DNAH17: variants seen among roughly 807,000 people sequenced by gnomAD.
The protein encoded by DNAH17 is dynein axonemal heavy chain 17, also known as axonemal beta dynein heavy chain 17.
A neutral mutation model predicts 485.6 loss-of-function variants in DNAH17; 376 were observed. The observed-to-expected ratio is 0.77, with a 90% CI of 0.71 to 0.84. The LOEUF is 0.84. Among genes scored for constraint, DNAH17 ranks in the 40% least tolerant of loss-of-function variants. The pLI is 0.00. For missense variants in DNAH17, 6,370 were observed against 5,839.3 expected (o/e 1.09, Z -2.96); for synonymous variants, 3,031 against 2,405.9 (o/e 1.26, Z -7.60).
chr17:78,572,905 A>G lies in DNAH17; in HGVS notation c.346-11T>C, dbSNP rs1568276855. On this transcript the variant is annotated splice_polypyrimidine_tract_variant and intron_variant, in intron 2 of 80. Coordinates refer to ENST00000389840, the MANE Select transcript of DNAH17 (RefSeq NM_173628.4). ...CAGAGAAGAGAGGACCTAAAAGGAA[A>G]CACTTCTGTGGTTCCGCCCCCTGTG... 2.5e-6 allele frequency: 4 copies of G among 1,611,368 alleles called. No individual in the cohort carries two copies. Among genetic ancestry groups the G allele is most frequent in the Non-Finnish European group, 3.4e-6 (4 of 1,178,550 alleles).
intron 1 of DNAH17, 27 bp from the exon 2 acceptor site, chr17:78,575,109 G>T: frequency 3.4e-6 from 5 of 1,452,688 alleles, no homozygotes; most frequent in South Asian, 2.7e-5. Flanking sequence ...AAACAGGTAC[G>T]AACTGTCTCC....
chr17:78,551,830 G>A (rs969887685), intron 15 of DNAH17, among the ~76,000 whole-genome samples, 192 bp from the exon 16 acceptor site: 3 of 152,106 alleles, frequency 2.0e-5, no homozygotes, highest in African/African-American at 7.2e-5. Context: ...GGGCATAGCA[G>A]TGGGCACCTG....
intron 48 of DNAH17, 72 bp from the exon 49 acceptor site, chr17:78,480,858 C>T: frequency 2.0e-6 from 2 of 983,034 alleles, no homozygotes; most frequent in Non-Finnish European, 3.2e-6. Flanking sequence ...CACTGTGCTC[C>T]CAAGAATGCC....
intron 80 of DNAH17, 49 bp downstream of exon 80, chr17:78,425,297 G>GTAGCAC (rs1448047610): frequency 3.8e-5 from 60 of 1,564,150 alleles, no homozygotes; most frequent in Non-Finnish European, 5.1e-5. Context: ...GTCTTGGCAA[G>GTAGCAC]TAGCACTGGC....
intron 16 of DNAH17, among the ~76,000 whole-genome samples, chr17:78,549,978 A>G (rs2091862258): frequency 6.6e-6 from 1 of 152,182 alleles, no homozygotes; most frequent in Admixed American, 6.5e-5. Context: ...TGCAGGTAAC[A>G]GAAAGGACAG....
At chr17:78,454,449 A>C (rs2087698490) in intron 64 of DNAH17, 21 bp downstream of exon 64, 1 of 1,591,298 alleles carries the variant, frequency 6.3e-7, no homozygotes, top group South Asian at 1.1e-5. Context: ...GCTTCGGCCC[A>C]GGTCCTGCGC....
rs766511713 is a variant in DNAH17 at position 78,455,755 on chromosome 17, A to G, written c.10059T>C (p.Cys3353=). 5 of 1,613,496 alleles carry G rather than the reference A, an allele frequency of 3.1e-6. No homozygotes were observed. Among genetic ancestry groups the G allele is most frequent in the Non-Finnish European group, 4.2e-6 (5 of 1,179,718 alleles). The change falls in exon 63 of 81, where the codon TGT becomes TGC. Residue 3353 remains cysteine, a synonymous_variant. Transcript: ENST00000389840. ...ENFRSQGVTL[C]GDVLLISAFV... is the part of the protein sequence containing the mutation. ...AGGCAGAGATGAGCAGGACGTCCCC[A>G]CACAGCGTGACCCCCTGGCTCCTGA... is the stretch of plus-strand genomic sequence containing the variant.
chr17:78,511,865 C>A (rs1336952964), intron 26 of DNAH17, among the ~76,000 whole-genome samples: 1 of 152,252 alleles, frequency 6.6e-6, no homozygotes, highest in African/African-American at 2.4e-5. Context: ...CCGGAAGGGG[C>A]ACATGAACCT....
Position 78,501,358 on chromosome 17 carries a change from C to A in DNAH17, c.5323-14G>T. 1 of 1,578,438 alleles carries A rather than the reference C, an allele frequency of 6.3e-7. No homozygotes were observed. On this transcript the variant is annotated splice_polypyrimidine_tract_variant and intron_variant, in intron 34 of 80. Coordinates refer to ENST00000389840, the MANE Select transcript of DNAH17 (RefSeq NM_173628.4). ...AGAACTCTCCACCTGCAGGATGAGCCGGAGCTCTTGTTGCCAGGTGGAATA... is the reference window on the plus strand; with the variant it reads ...AGAACTCTCCACCTGCAGGATGAGCAGGAGCTCTTGTTGCCAGGTGGAATA...
intron 71 of DNAH17, among the ~76,000 whole-genome samples, chr17:78,441,842 T>C (rs914082979): frequency 1.3e-5 from 2 of 152,138 alleles, no homozygotes; most frequent in African/African-American, 2.4e-5. Context: ...CTCAGCACTT[T>C]GGGAGGCCAA....
Position 78,506,717 on chromosome 17 carries a change from T to C in DNAH17, c.4803+3A>G. On this transcript the variant is annotated splice_donor_region_variant and intron_variant, in intron 30 of 80. Transcript: ENST00000389840. ...ACACCGGAATGCAAGGGGCCCCGCC[T>C]ACCTCCACGGGGTCATTGCCATTGG... 1 of 1,613,866 alleles carries C rather than the reference T, an allele frequency of 6.2e-7. No individual in the cohort carries two copies. Among genetic ancestry groups the C allele is most frequent in the Non-Finnish European group, 8.5e-7 (1 of 1,179,864 alleles).
At chr17:78,427,738 G>A (rs1268958606) in intron 77 of DNAH17, among the ~76,000 whole-genome samples, 1 of 152,152 alleles carries the variant, frequency 6.6e-6, no homozygotes, top group Non-Finnish European at 1.5e-5. Context: ...TTAGGAGGCC[G>A]AGGCGGGATG....
intron 62 of DNAH17, among the ~76,000 whole-genome samples, chr17:78,456,486 A>C (rs529595627): frequency 1.3e-3 from 194 of 152,190 alleles, no homozygotes; most frequent in African/African-American, 4.2e-3. Context: ...ACCACAGAGC[A>C]CTGTCTCGAC....
At chr17:78,474,017 G>T (rs1483615832) in intron 54 of DNAH17, among the ~76,000 whole-genome samples, 1 of 152,220 alleles carries the variant, frequency 6.6e-6, no homozygotes, top group Non-Finnish European at 1.5e-5. Context: ...TATACATGGA[G>T]TAGAATCTGC....
intron 10 of DNAH17, 57 bp downstream of exon 10, chr17:78,566,942 C>T (rs932518233): frequency 5.2e-5 from 80 of 1,547,790 alleles, no homozygotes; most frequent in Non-Finnish European, 6.4e-5. Flanking sequence ...AAGCTGGTAC[C>T]GAGGCTGGTG....
Position 78,502,988 on chromosome 17 carries a change from C to A in DNAH17, c.4980G>T (p.Val1660=). ...GGAGGGTAGAGCACATTCGGTCCAG[C>A]ACTCGATTCAGCCACACTTCCACCT... ...SGQVEVWLNR[V]LDRMCSTLRH... Residue 1660 remains valine, a synonymous_variant, in exon 32 of 81, where the codon GTG becomes GTT. Coordinates refer to ENST00000389840, the MANE Select transcript of DNAH17 (RefSeq NM_173628.4). 6.2e-7 allele frequency: 1 copy of A among 1,613,812 alleles called. No individual in the cohort carries two copies. The highest frequency in any genetic ancestry group is 1.3e-5 in the African/African-American group (1 of 75,042).
chr17:78,465,579 G>A (rs931072788), intron 56 of DNAH17, among the ~76,000 whole-genome samples: 13 of 145,420 alleles, frequency 8.9e-5, no homozygotes, highest in Admixed American at 3.4e-4. Context: ...CCTCTGCCCC[G>A]CCGCCCCATC....
At chr17:78,446,006 T>G (rs2087275851) in intron 69 of DNAH17, among the ~76,000 whole-genome samples, 1 of 151,838 alleles carries the variant, frequency 6.6e-6, no homozygotes, top group Non-Finnish European at 1.5e-5. Context: ...ACCCTGTTTC[T>G]ACTAAAAATA....
At chr17:78,434,282 C>T (rs1395771132) in intron 74 of DNAH17, 62 bp from the exon 75 acceptor site, 1 of 1,506,962 alleles carries the variant, frequency 6.6e-7, no homozygotes, top group African/African-American at 1.4e-5. Flanking sequence ...AGAAATGCCC[C>T]TGAGGGTGAC....
Sources: allele counts gnomAD v4.1 joint callset (sites outside exome capture counted in the v4.1 genomes callset), GRCh38; gene constraint gnomAD v4.1.1; transcripts MANE v1.5; gene names NCBI Gene and HGNC (gene_info 2026-07-23, HGNC 2026-07-21).